Variants in EXOC6B observed in about 807,000 individuals in gnomAD.
The protein encoded by EXOC6B is exocyst complex component 6B, also known as SEC15 homolog B.
EXOC6B carries 54 observed loss-of-function variants against 113.5 expected under a neutral mutation model. That is an observed-to-expected ratio of 0.48 (90% confidence interval 0.38 to 0.60). The LOEUF (loss-of-function observed/expected upper bound fraction) is 0.60. Ranked by LOEUF, EXOC6B falls within the 20% of genes least tolerant of loss-of-function variation. The probability of loss-of-function intolerance (pLI) is 0.00; values close to 1 mark genes in which losing one functional copy is unlikely to be tolerated. For missense variants in EXOC6B, 797 were observed against 977.5 expected, an observed-to-expected ratio of 0.82 and a Z score of 2.46; for synonymous variants, 357 against 339.0, an observed-to-expected ratio of 1.05 and a Z score of -0.58.
intron 20 of EXOC6B, among the ~76,000 whole-genome samples, chr2:72,333,965 C>A (rs1688547436): frequency 6.6e-6 from 1 of 151,960 alleles, no homozygotes; most frequent in Non-Finnish European, 1.5e-5. Context: ...TTAAGAAATA[C>A]CCTGGGCATC....
chr2:72,807,700 G>A (rs1411264296), intron 1 of EXOC6B, among the ~76,000 whole-genome samples: 2 of 152,046 alleles, frequency 1.3e-5, no homozygotes, highest in Admixed American at 1.3e-4. Flanking sequence ...GCAATAACAT[G>A]GTTACAACTG....
intron 6 of EXOC6B, among the ~76,000 whole-genome samples, chr2:72,706,380 C>T (rs1176760567): frequency 2.0e-5 from 3 of 152,204 alleles, no homozygotes; most frequent in Admixed American, 2.0e-4. Context: ...AACTTGCCTT[C>T]TTTTTTGAAG....
chr2:72,412,740 A>T (rs990912713), intron 18 of EXOC6B, among the ~76,000 whole-genome samples: 1 of 152,134 alleles, frequency 6.6e-6, no homozygotes, highest in African/African-American at 2.4e-5. Flanking sequence ...ATATCTCCAT[A>T]GGATTTAGTT....
chr2:72,614,084 T>C (rs1573489184), intron 6 of EXOC6B, among the ~76,000 whole-genome samples: 2 of 152,274 alleles, frequency 1.3e-5, no homozygotes, highest in East Asian at 3.9e-4. Context: ...GTCTAAAACA[T>C]TCTCTATCTG....
At chr2:72,636,166 T>A (rs1045218100) in intron 6 of EXOC6B, among the ~76,000 whole-genome samples, 9 of 151,914 alleles carry the variant, frequency 5.9e-5, no homozygotes, top group African/African-American at 2.2e-4. Flanking sequence ...GAGGCTGTAA[T>A]GAGCTATCAT....
At chr2:72,583,714 T>C (rs1573438044) in intron 6 of EXOC6B, among the ~76,000 whole-genome samples, 1 of 144,678 alleles carries the variant, frequency 6.9e-6, no homozygotes, top group East Asian at 1.9e-4. Flanking sequence ...TTCTCTGGTT[T>C]TTTTTGTTTT....
chr2:72,752,361 C>A (rs1450697776), intron 1 of EXOC6B, among the ~76,000 whole-genome samples: 1 of 152,080 alleles, frequency 6.6e-6, no homozygotes, highest in Non-Finnish European at 1.5e-5. Flanking sequence ...CATATATCTT[C>A]CACTCCAGGA....
intron 1 of EXOC6B, among the ~76,000 whole-genome samples, chr2:72,777,904 C>G (rs1214281739): frequency 6.6e-6 from 1 of 151,818 alleles, no homozygotes; most frequent in Non-Finnish European, 1.5e-5. Flanking sequence ...TTAATTGTAA[C>G]CCCCAGAAAA....
intron 14 of EXOC6B, among the ~76,000 whole-genome samples, chr2:72,496,094 A>G (rs1700020279): frequency 6.6e-6 from 1 of 152,146 alleles, no homozygotes; most frequent in African/African-American, 2.4e-5. Context: ...TACACCACAA[A>G]GTGTAAATTT....
At chr2:72,462,557 T>C (rs1011164074) in intron 18 of EXOC6B, 5 of 151,972 alleles carry the variant, frequency 3.3e-5, no homozygotes, top group African/African-American at 1.2e-4. Context: ...ATAGAAGGGA[T>C]TGGGGGAGTG....
At chr2:72,746,013 CAAGTA>C (rs1347760190) in intron 1 of EXOC6B, among the ~76,000 whole-genome samples, 1 of 152,050 alleles carries the variant, frequency 6.6e-6, no homozygotes, top group Non-Finnish European at 1.5e-5. Flanking sequence ...TGTGGCCTTA[CAAGTA>C]AACAGGACCG....
intron 20 of EXOC6B, among the ~76,000 whole-genome samples, chr2:72,307,330 T>C (rs1404000806): frequency 6.6e-6 from 1 of 151,968 alleles, no homozygotes; most frequent in Non-Finnish European, 1.5e-5. Context: ...TGTATTTTAA[T>C]GGAGACAGGT....
intron 1 of EXOC6B, among the ~76,000 whole-genome samples, chr2:72,795,404 T>C (rs571663458): frequency 6.6e-6 from 1 of 152,186 alleles, no homozygotes; most frequent in South Asian, 2.1e-4. Context: ...TGAAACCCCA[T>C]CTCTATTAAA....
intron 20 of EXOC6B, among the ~76,000 whole-genome samples, chr2:72,313,618 C>T (rs1687339346): frequency 6.6e-6 from 1 of 152,114 alleles, no homozygotes; most frequent in Admixed American, 6.5e-5. Context: ...GGCTTCACCT[C>T]CGCCACATCT....
At chr2:72,407,958 A>G (rs1055122627) in intron 18 of EXOC6B, among the ~76,000 whole-genome samples, 1 of 152,216 alleles carries the variant, frequency 6.6e-6, no homozygotes, top group African/African-American at 2.4e-5. Context: ...TTGTATATCT[A>G]GAAAACCCCA....
At chr2:72,524,125 A>G (rs1458451383) in intron 8 of EXOC6B, among the ~76,000 whole-genome samples, 2 of 150,890 alleles carry the variant, frequency 1.3e-5, no homozygotes, top group Non-Finnish European at 2.9e-5. Flanking sequence ...ACGGCATCCA[A>G]GTGAAGACAG....
chr2:72,401,273 C>T (rs1464478270), intron 18 of EXOC6B, among the ~76,000 whole-genome samples: 1 of 149,936 alleles, frequency 6.7e-6, no homozygotes, highest in South Asian at 2.1e-4. Context: ...ACCAGCCTGG[C>T]CAGTGTGGTG....
rs886641786 is a variant in EXOC6B at position 72,536,127 on chromosome 2, G to T, written c.916-21001C>A. Among the ~76,000 whole-genome samples the T allele has an allele frequency of 2.0e-5, 3 of 152,232 alleles. No homozygotes were observed. In the South Asian group the frequency reaches 6.2e-4, roughly 32 times the overall value. On this transcript the variant is annotated intron_variant, in intron 8 of 21. Coordinates refer to ENST00000272427, the MANE Select transcript of EXOC6B (RefSeq NM_015189.3). ...AGTTCAAGATACATTGCTGATGCAT[G>T]CAGTCTTGCTATTTTTAAATTTGTT...
intron 6 of EXOC6B, among the ~76,000 whole-genome samples, chr2:72,584,867 C>A (rs1297831895): frequency 1.3e-5 from 2 of 152,182 alleles, no homozygotes; most frequent in Non-Finnish European, 2.9e-5. Context: ...CTCCCCAAAC[C>A]ACACAATTAC....
Sources: gnomAD v4.1 joint callset for allele counts (sites outside exome capture counted in the v4.1 genomes callset) on GRCh38, gnomAD v4.1.1 for gene constraint, MANE v1.5 for transcripts, NCBI Gene and HGNC (gene_info 2026-07-23, HGNC 2026-07-21) for gene names.